The following PRH1 variants were observed in gnomAD, a reference collection of about 807,000 sequenced individuals.
The protein encoded by PRH1 is salivary acidic proline-rich phosphoprotein 1/2.
A neutral mutation model predicts 7.9 loss-of-function variants in PRH1; 7 were observed. The observed-to-expected ratio is 0.89, with a 90% CI of 0.50 to 1.67. The LOEUF is 1.67. PRH1 is among the 40% of genes most tolerant of loss of function. The probability of loss-of-function intolerance (pLI) is 0.00; values close to 1 mark genes in which losing one functional copy is unlikely to be tolerated. For synonymous variants in PRH1, 45 were observed against 80.8 expected, an observed-to-expected ratio of 0.56 and a Z score of 2.38; for missense variants, 109 against 223.6, an observed-to-expected ratio of 0.49 and a Z score of 3.27.
intron 1 of PRH1, among the ~76,000 whole-genome samples, chr12:11,037,420 T>A (rs909580493): frequency 6.6e-6 from 1 of 152,234 alleles, no homozygotes; most frequent in Non-Finnish European, 1.5e-5. Context: ...GCCAAAAAAT[T>A]TATAGTAACA....
At chr12:10,928,929 C>G (rs1189116570) in intron 2 of PRH1, among the ~76,000 whole-genome samples, 1 of 152,186 alleles carries the variant, frequency 6.6e-6, no homozygotes. Flanking sequence ...GAATAGCAGT[C>G]TTTCCAAACA....
chr12:10,923,902 T>C (rs1446384530), intron 2 of PRH1, among the ~76,000 whole-genome samples: 2 of 152,154 alleles, frequency 1.3e-5, no homozygotes, highest in Admixed American at 6.5e-5. Flanking sequence ...TACTGTCTTA[T>C]TAAAATTTTG....
intron 1 of PRH1, among the ~76,000 whole-genome samples, chr12:11,094,453 T>C (rs1276274618): frequency 1.7e-5 from 2 of 114,338 alleles, no homozygotes; most frequent in East Asian, 4.2e-4. Context: ...TACATCCTTG[T>C]TGTGTCAGGA....
At chr12:11,053,700 T>C (rs1943246021) in intron 1 of PRH1, among the ~76,000 whole-genome samples, 1 of 152,284 alleles carries the variant, frequency 6.6e-6, no homozygotes, top group South Asian at 2.1e-4. Context: ...ATAATAATGA[T>C]GATGATGTCA....
chr12:10,945,266 T>C (rs886375897), intron 2 of PRH1, among the ~76,000 whole-genome samples: 3 of 152,148 alleles, frequency 2.0e-5, no homozygotes, highest in Non-Finnish European at 4.4e-5. Context: ...ACAAATTTCT[T>C]CCTGGTTCAG....
intron 2 of PRH1, among the ~76,000 whole-genome samples, chr12:10,959,517 T>A (rs971767914): frequency 6.6e-6 from 1 of 152,062 alleles, no homozygotes; most frequent in Non-Finnish European, 1.5e-5. Context: ...AATTAACTCA[T>A]AAGTAATTGA....
chr12:11,073,969 C>A (rs2136216041), intron 1 of PRH1, among the ~76,000 whole-genome samples: 1 of 149,226 alleles, frequency 6.7e-6, no homozygotes, highest in Non-Finnish European at 1.5e-5. Context: ...CTGCGTGCAA[C>A]TACACAAGGC....
chr12:10,941,764 C>A (rs1157070696), intron 2 of PRH1, among the ~76,000 whole-genome samples: 4 of 151,810 alleles, frequency 2.6e-5, no homozygotes, highest in Non-Finnish European at 5.9e-5. Flanking sequence ...TGCTGGTGAG[C>A]TAGTGTGATG....
At chr12:11,023,746 T>C (rs113914286) in intron 1 of PRH1, among the ~76,000 whole-genome samples, 3 of 132,054 alleles carry the variant, frequency 2.3e-5, no homozygotes, top group African/African-American at 7.9e-5. Flanking sequence ...GCCACTGCCT[T>C]ATCTACCCTA....
intron 1 of PRH1, among the ~76,000 whole-genome samples, chr12:11,129,143 G>A (rs1414795404): frequency 6.6e-6 from 1 of 152,278 alleles, no homozygotes; most frequent in Non-Finnish European, 1.5e-5. Context: ...GGGAACTCCT[G>A]CTCTCAAGGG....
intron 1 of PRH1, among the ~76,000 whole-genome samples, chr12:10,979,119 G>C (rs929575821): frequency 7.9e-5 from 12 of 152,162 alleles, no homozygotes; most frequent in Middle Eastern, 3.4e-3. Context: ...GGGCAGGAGG[G>C]GGGTGAGGAT....
intron 1 of PRH1, among the ~76,000 whole-genome samples, chr12:11,086,506 G>A (rs1473548415): frequency 6.6e-6 from 1 of 150,516 alleles, no homozygotes; most frequent in Non-Finnish European, 1.5e-5. Flanking sequence ...GTTTCTAAGA[G>A]GGGATCTTGA....
chr12:11,010,175 GCTTGA>G (rs1378955320), intron 1 of PRH1, among the ~76,000 whole-genome samples: 14 of 151,836 alleles, frequency 9.2e-5, no homozygotes, highest in Admixed American at 4.6e-4. Flanking sequence ...AATGTATTCA[GCTTGA>G]CTTGAGCTTT....
intron 2 of PRH1, among the ~76,000 whole-genome samples, chr12:10,928,030 A>G (rs542762833): frequency 1.3e-5 from 2 of 152,346 alleles, no homozygotes; most frequent in South Asian, 4.1e-4. Context: ...GAGGAGTACC[A>G]TACACCATTG....
intron 1 of PRH1, among the ~76,000 whole-genome samples, chr12:11,104,372 TTAAAAA>T: frequency 6.6e-6 from 1 of 152,136 alleles, no homozygotes; most frequent in Non-Finnish European, 1.5e-5. Flanking sequence ...TGACAATGTA[TTAAAAA>T]TAAAGTTTTT....
intron 1 of PRH1, among the ~76,000 whole-genome samples, chr12:10,992,516 C>T (rs1404254160): frequency 6.6e-6 from 1 of 152,078 alleles, no homozygotes; most frequent in Non-Finnish European, 1.5e-5. Context: ...AATTCCTGGG[C>T]TAAACTGATC....
intron 1 of PRH1, chr12:10,997,029 TC>T: frequency 6.2e-7 from 1 of 1,613,944 alleles, no homozygotes; most frequent in Non-Finnish European, 8.5e-7. Context: ...AGCGTCTTGT[TC>T]CCCCAAATCA....
At chr12:11,160,047 C>T (rs890128213) in intron 1 of PRH1, among the ~76,000 whole-genome samples, 34 of 152,192 alleles carry the variant, frequency 2.2e-4, no homozygotes, top group African/African-American at 7.5e-4. Flanking sequence ...GAAGCGAAGT[C>T]GAGTATGTAA....
At chr12:11,061,740 T>C (rs1565609200) in intron 1 of PRH1, 1 of 1,614,098 alleles carries the variant, frequency 6.2e-7, no homozygotes, top group Non-Finnish European at 8.5e-7. Context: ...TGAAGGGAAC[T>C]AAGTTTGCTA....
Sources: allele counts gnomAD v4.1 joint callset (sites outside exome capture counted in the v4.1 genomes callset), GRCh38; gene constraint gnomAD v4.1.1; transcripts MANE v1.5; gene names NCBI Gene and HGNC (gene_info 2026-07-23, HGNC 2026-07-21).